Variants in CUL3 observed in about 807,000 individuals in gnomAD.
CUL3 encodes cullin-3.
A neutral mutation model predicts 89.1 loss-of-function variants in CUL3; 19 were observed. That is an observed-to-expected ratio of 0.21 (90% CI 0.15 to 0.31). The LOEUF is 0.31. Ranked by LOEUF, CUL3 falls within the 10% of genes least tolerant of loss-of-function variation. CUL3 has a pLI of 1.00. For missense variants in CUL3, 469 were observed against 942.3 expected (o/e 0.50, Z 6.58); for synonymous variants, 351 against 308.4 (o/e 1.14, Z -1.45).
chr2:224,553,432 G>T (rs1222259516), intron 2 of CUL3, among the ~76,000 whole-genome samples: 1 of 152,138 alleles, frequency 6.6e-6, no homozygotes, highest in African/African-American at 2.4e-5. Flanking sequence ...GTAAATTTAA[G>T]AATTTAGCAT....
chr2:224,492,130 C>A (rs1692007237), intron 13 of CUL3, among the ~76,000 whole-genome samples: 1 of 152,124 alleles, frequency 6.6e-6, no homozygotes, highest in South Asian at 2.1e-4. Context: ...ATTATGCTAG[C>A]CTCAGATATT....
At chr2:224,524,219 C>A (rs1033971829) in intron 3 of CUL3, among the ~76,000 whole-genome samples, 19 of 152,068 alleles carry the variant, frequency 1.2e-4, no homozygotes, top group Admixed American at 1.2e-3. Context: ...TTCACTGGTT[C>A]CCTTCAGTCA....
chr2:224,559,429 GGT>G, intron 1 of CUL3, among the ~76,000 whole-genome samples: 1 of 149,096 alleles, frequency 6.7e-6, no homozygotes, highest in Non-Finnish European at 1.5e-5. Context: ...CTCCAGCCTA[GGT>G]GACAGAGCAA....
intron 1 of CUL3, among the ~76,000 whole-genome samples, chr2:224,582,720 T>TG (rs967183186): frequency 2.0e-5 from 3 of 152,192 alleles, no homozygotes; most frequent in African/African-American, 7.2e-5. Context: ...GTTATTATAC[T>TG]GGTCAGCTAA....
Position 224,503,762 on chromosome 2 carries a change from G to T in CUL3, c.1267C>A (p.Gln423Lys). The T allele has an allele frequency of 6.2e-7, 1 of 1,604,236 alleles. No individual in the cohort carries two copies. Among genetic ancestry groups the T allele is most frequent in the Admixed American group, 1.7e-5 (1 of 57,912 alleles). Residue 423 changes from glutamine to lysine, a missense_variant, in exon 9 of 16, where the codon CAA becomes AAA. Transcript: ENST00000264414. The stretch of plus-strand genomic sequence containing the variant: ...TAACGTTCAAATACATCTTTTTCTT[G>T]CATAAACCTAAAAAGGACCATTGCT... ...DKAMVLFRFM[Q>K]EKDVFERYYK...
intron 15 of CUL3, among the ~76,000 whole-genome samples, chr2:224,477,495 C>T (rs1188160836): frequency 6.6e-6 from 1 of 152,216 alleles, no homozygotes; most frequent in Non-Finnish European, 1.5e-5. Flanking sequence ...ATTCCCAATG[C>T]AACTTCTAGC....
chr2:224,476,010 T>G (rs1455899759), intron 15 of CUL3, among the ~76,000 whole-genome samples: 1 of 150,006 alleles, frequency 6.7e-6, no homozygotes, highest in Non-Finnish European at 1.5e-5. Flanking sequence ...CAGTCACATG[T>G]ATTTATTTAT....
At position 224,470,358 on chromosome 2, in the gene CUL3, A is replaced by G. The variant is rs1272491301; in HGVS notation, c.*3887T>C. On this transcript the variant is annotated 3_prime_UTR_variant, in exon 16 of 16. Transcript: ENST00000264414. ...GAGGTCAACTTAGACCCTAAAACTGAGCATCAAATTACTTAAATGACACGC... is the reference window on the plus strand; with the variant it reads ...GAGGTCAACTTAGACCCTAAAACTGGGCATCAAATTACTTAAATGACACGC... 1.3e-5 allele frequency: 3 copies of G among 228,832 alleles called. No individual in the cohort carries two copies. The highest frequency in any genetic ancestry group is 1.7e-5 in the Non-Finnish European group (2 of 115,432). The allele number at this position is 228,832 out of a possible 1,614,324, so 14.2% of individuals were successfully genotyped here. A position where few individuals can be genotyped will look rare whatever the true frequency, so the allele number is the denominator to read the frequency against.
intron 2 of CUL3, among the ~76,000 whole-genome samples, chr2:224,537,951 AAT>A (rs1030422317): frequency 1.3e-5 from 2 of 152,096 alleles, no homozygotes; most frequent in African/African-American, 4.8e-5. Context: ...TTTATAAAAA[AAT>A]ATATCAAGTA....
chr2:224,566,131 C>T (rs749172783), intron 1 of CUL3, among the ~76,000 whole-genome samples: 2 of 152,164 alleles, frequency 1.3e-5, no homozygotes, highest in African/African-American at 4.8e-5. Context: ...CACTTCAACA[C>T]CTTCAGTTTT....
At position 224,477,880 on chromosome 2, in the gene CUL3, A is replaced by T. The variant is rs1568750; in HGVS notation, c.2175+320T>A. ...TTTGTAAAATGAAAGCATTTAATGA[A>T]TGGTAACCATTATTAATTTTTAGAA... On this transcript the variant is annotated intron_variant, in intron 15 of 15. Transcript: ENST00000264414. Among the ~76,000 whole-genome samples the T allele has an allele frequency of 0.29, 43,960 of 152,132 alleles. 6,703 individuals are homozygous for T. Among genetic ancestry groups the T allele is most frequent in the Middle Eastern group, 0.4 (118 of 294 alleles).
chr2:224,489,196 A>G (rs767047553), intron 13 of CUL3, among the ~76,000 whole-genome samples: 17 of 152,228 alleles, frequency 1.1e-4, no homozygotes, highest in South Asian at 2.1e-4. Flanking sequence ...GAAAACTGGC[A>G]CAAGACAAGG....
At chr2:224,493,483 T>TA in intron 13 of CUL3, among the ~76,000 whole-genome samples, 1 of 152,362 alleles carries the variant, frequency 6.6e-6, no homozygotes, top group East Asian at 1.9e-4. Context: ...CATGGCATTC[T>TA]ATATACACTA....
intron 2 of CUL3, among the ~76,000 whole-genome samples, chr2:224,539,749 G>A (rs1296275700): frequency 6.6e-6 from 1 of 151,576 alleles, no homozygotes; most frequent in African/African-American, 2.4e-5. Flanking sequence ...TTCTGGAAAA[G>A]GCAAAACTAA....
chr2:224,525,558 T>C (rs555604144), intron 3 of CUL3, among the ~76,000 whole-genome samples: 1 of 152,178 alleles, frequency 6.6e-6, no homozygotes, highest in Non-Finnish European at 1.5e-5. Flanking sequence ...ACACAATAAA[T>C]TTTTTTGTTT....
chr2:224,581,115 G>A (rs1559248222), intron 1 of CUL3, among the ~76,000 whole-genome samples: 1 of 152,064 alleles, frequency 6.6e-6, no homozygotes, highest in Non-Finnish European at 1.5e-5. Flanking sequence ...CAGAACTATT[G>A]GCCGGGCGTG....
chr2:224,554,495 A>G (rs1170945883), intron 2 of CUL3, among the ~76,000 whole-genome samples: 1 of 152,230 alleles, frequency 6.6e-6, no homozygotes, highest in Non-Finnish European at 1.5e-5. Context: ...AGATCTACAG[A>G]GAATTCAAGG....
intron 1 of CUL3, chr2:224,560,563 A>G (rs1049711333): frequency 6.5e-6 from 1 of 152,998 alleles, no homozygotes; most frequent in African/African-American, 2.4e-5. Flanking sequence ...GATCATAATT[A>G]ACTACTCTCT....
chr2:224,578,647 C>CAG (rs1400762718), intron 1 of CUL3, among the ~76,000 whole-genome samples: 2 of 152,092 alleles, frequency 1.3e-5, no homozygotes, highest in African/African-American at 2.4e-5. Context: ...TGTGTTAACT[C>CAG]AGTGATTTGT....
Sources: gnomAD v4.1 joint callset for allele counts (sites outside exome capture counted in the v4.1 genomes callset) on GRCh38, gnomAD v4.1.1 for gene constraint, MANE v1.5 for transcripts, NCBI Gene and HGNC (gene_info 2026-07-23, HGNC 2026-07-21) for gene names.